Variants in GALNT13 observed in about 807,000 individuals in gnomAD.
The protein encoded by GALNT13 is polypeptide N-acetylgalactosaminyltransferase 13, also known as UDP-GalNAc:polypeptide N-acetylgalactosaminyltransferase 13.
In GALNT13, 28 loss-of-function variants were observed where a neutral mutation model predicts 64.2. The ratio of observed to expected loss-of-function variants is 0.44; its 90% CI spans 0.32 to 0.60. The LOEUF is 0.60. Ranked by LOEUF, GALNT13 falls within the 20% of genes least tolerant of loss-of-function variation. The pLI is 0.05. For missense variants in GALNT13, 577 were observed against 669.8 expected (o/e 0.86, Z 1.53); for synonymous variants, 214 against 224.6 (o/e 0.95, Z 0.42).
the GALNT13 span, among the ~76,000 whole-genome samples, chr2:153,528,336 G>T: frequency 0.011 from 1,616 of 152,022 alleles, 29 homozygotes; most frequent in African/African-American, 0.037. Flanking sequence ...TACAAAGAAG[G>T]TCACTATATA....
the GALNT13 span, among the ~76,000 whole-genome samples, chr2:153,186,148 G>T: frequency 1.4e-3 from 213 of 152,086 alleles, 4 homozygotes; most frequent in African/African-American, 5.0e-3. Context: ...GCTCCTGTAT[G>T]GGTGCATGTA....
intron 3 of GALNT13, among the ~76,000 whole-genome samples, chr2:154,080,662 A>T (rs1373192063): frequency 6.6e-6 from 1 of 151,672 alleles, no homozygotes; most frequent in African/African-American, 2.4e-5. Flanking sequence ...ATATACATTC[A>T]TAGTTCAATG....
At chr2:153,309,262 A>G in the GALNT13 span, among the ~76,000 whole-genome samples, 2 of 152,190 alleles carry the variant, frequency 1.3e-5, no homozygotes, top group African/African-American at 4.8e-5. Flanking sequence ...AGTTGAACTA[A>G]GAGGCACACA....
chr2:153,171,830 T>A, the GALNT13 span, among the ~76,000 whole-genome samples: 1 of 152,232 alleles, frequency 6.6e-6, no homozygotes, highest in South Asian at 2.1e-4. Flanking sequence ...TGAGTTATTT[T>A]CTGTTAATTA....
chr2:153,324,751 T>C, the GALNT13 span, among the ~76,000 whole-genome samples: 34 of 152,250 alleles, frequency 2.2e-4, no homozygotes, highest in Admixed American at 3.3e-4. Flanking sequence ...ATGTGGTTTT[T>C]GTCATTGGTT....
At chr2:154,252,749 AG>A (rs1690147875) in intron 7 of GALNT13, among the ~76,000 whole-genome samples, 1 of 151,486 alleles carries the variant, frequency 6.6e-6, no homozygotes, top group Non-Finnish European at 1.5e-5. Context: ...ATAGATAGAT[AG>A]ATAGATAGAT....
At chr2:153,810,161 C>T in the GALNT13 span, among the ~76,000 whole-genome samples, 4 of 152,190 alleles carry the variant, frequency 2.6e-5, no homozygotes, top group African/African-American at 9.6e-5. Context: ...GACAGTGTTT[C>T]ACCTTGTTAG....
intron 9 of GALNT13, among the ~76,000 whole-genome samples, chr2:154,372,505 T>C (rs1697754282): frequency 6.6e-6 from 1 of 152,130 alleles, no homozygotes; most frequent in Admixed American, 6.5e-5. Context: ...TAATAATACT[T>C]GCACACAGAT....
At chr2:153,557,320 T>C in the GALNT13 span, among the ~76,000 whole-genome samples, 4 of 152,216 alleles carry the variant, frequency 2.6e-5, no homozygotes, top group African/African-American at 9.7e-5. Context: ...TTTGTGTAAC[T>C]ATACTCTATG....
chr2:153,967,881 C>A (rs1284277247), intron 3 of GALNT13, among the ~76,000 whole-genome samples: 1 of 152,084 alleles, frequency 6.6e-6, no homozygotes, highest in Admixed American at 6.5e-5. Context: ...TCTAGAAATG[C>A]CCTTCAGGAG....
the GALNT13 span, among the ~76,000 whole-genome samples, chr2:153,095,576 A>G: frequency 1.3e-5 from 2 of 152,226 alleles, no homozygotes. Context: ...TGCTATAAAG[A>G]CACATGCACA....
the GALNT13 span, among the ~76,000 whole-genome samples, chr2:153,750,831 T>C: frequency 6.6e-6 from 1 of 151,886 alleles, no homozygotes; most frequent in Non-Finnish European, 1.5e-5. Flanking sequence ...CTCTGATCTT[T>C]ATTATTTATT....
intron 3 of GALNT13, among the ~76,000 whole-genome samples, chr2:154,073,683 C>A (rs1024955592): frequency 1.3e-5 from 2 of 151,698 alleles, no homozygotes; most frequent in Non-Finnish European, 2.9e-5. Flanking sequence ...TATATTTAAC[C>A]AATTAGAGTA....
chr2:154,234,188 G>T (rs1689073393), intron 4 of GALNT13, among the ~76,000 whole-genome samples: 1 of 152,088 alleles, frequency 6.6e-6, no homozygotes, highest in Non-Finnish European at 1.5e-5. Flanking sequence ...TAAAATACAA[G>T]ATATTAGAAC....
At chr2:154,375,510 G>A (rs1697937510) in intron 9 of GALNT13, among the ~76,000 whole-genome samples, 1 of 151,970 alleles carries the variant, frequency 6.6e-6, no homozygotes, top group African/African-American at 2.4e-5. Context: ...GATAATGGAC[G>A]GAAAGAGATG....
chr2:153,792,609 A>T, the GALNT13 span, among the ~76,000 whole-genome samples: 1 of 152,156 alleles, frequency 6.6e-6, no homozygotes, highest in Non-Finnish European at 1.5e-5. Context: ...AAAATTTTAC[A>T]CATTTTCACA....
the GALNT13 span, among the ~76,000 whole-genome samples, chr2:153,327,140 T>C: frequency 4.0e-4 from 61 of 152,240 alleles, no homozygotes; most frequent in African/African-American, 1.4e-3. Flanking sequence ...TCACTCTCTT[T>C]TGACTTACAG....
chr2:154,114,878 T>C (rs892269947), intron 3 of GALNT13, among the ~76,000 whole-genome samples: 1 of 152,236 alleles, frequency 6.6e-6, no homozygotes, highest in Admixed American at 6.5e-5. Context: ...ACAGTAGCTA[T>C]GCTCACCTTG....
intron 2 of GALNT13, among the ~76,000 whole-genome samples, chr2:153,942,455 A>G (rs893335628): frequency 6.6e-6 from 1 of 152,162 alleles, no homozygotes; most frequent in African/African-American, 2.4e-5. Context: ...AACATTTGAT[A>G]GCTTGAATTG....
Sources: gnomAD v4.1 joint callset for allele counts (sites outside exome capture counted in the v4.1 genomes callset) on GRCh38, gnomAD v4.1.1 for gene constraint, MANE v1.5 for transcripts, NCBI Gene and HGNC (gene_info 2026-07-23, HGNC 2026-07-21) for gene names.